Variants in KCNMA1 observed in about 807,000 individuals in gnomAD.
The protein encoded by KCNMA1 is Calcium-activated potassium channel subunit alpha-1.
KCNMA1 carries 29 observed loss-of-function variants against 140.0 expected under a neutral mutation model. The observed-to-expected ratio is 0.21, with a 90% confidence interval of 0.15 to 0.28. The LOEUF is 0.28. Ranked by LOEUF, KCNMA1 falls within the 10% of genes least tolerant of loss-of-function variation. The pLI, the probability that KCNMA1 is intolerant of heterozygous loss-of-function variation, is 1.00. For missense variants in KCNMA1, 880 were observed against 1,602.2 expected (o/e 0.55, Z 7.70); for synonymous variants, 612 against 611.9 (o/e 1.00, Z 0.00).
chr10:76,982,177 G>C (rs922912900), intron 19 of KCNMA1, among the ~76,000 whole-genome samples: 20 of 152,114 alleles, frequency 1.3e-4, no homozygotes, highest in African/African-American at 4.6e-4. Flanking sequence ...AGCCTAGCCA[G>C]AGAAATTAGA....
chr10:76,885,205 T>A lies in KCNMA1; in HGVS notation c.*2061A>T. ...AATACTAGGGGATACATATATATAG[T>A]TATATATATAGTTATATATATATAA... On this transcript the variant is annotated 3_prime_UTR_variant, in exon 28 of 28. Coordinates refer to ENST00000286628, the MANE Select transcript of KCNMA1 (RefSeq NM_001161352.2). 2 of 625,712 alleles carry A rather than the reference T, an allele frequency of 3.2e-6. No homozygotes were observed. The highest frequency in any genetic ancestry group is 4.1e-6 in the Non-Finnish European group (2 of 491,304). The allele number at this position is 625,712 out of a possible 1,614,324, so 38.8% of individuals were successfully genotyped here.
At chr10:76,985,475 T>G (rs1345320597) in intron 19 of KCNMA1, among the ~76,000 whole-genome samples, 1 of 152,246 alleles carries the variant, frequency 6.6e-6, no homozygotes, top group Non-Finnish European at 1.5e-5. Flanking sequence ...TTAAAAAATG[T>G]ACCTAAACCA....
At chr10:77,147,014 G>T (rs1451029949) in intron 5 of KCNMA1, among the ~76,000 whole-genome samples, 2 of 152,174 alleles carry the variant, frequency 1.3e-5, no homozygotes, top group African/African-American at 4.8e-5. Context: ...CATGGCAGAG[G>T]GGGCCAGGCA....
At chr10:77,324,279 C>T (rs1028091318) in intron 2 of KCNMA1, among the ~76,000 whole-genome samples, 9 of 152,140 alleles carry the variant, frequency 5.9e-5, no homozygotes, top group African/African-American at 2.2e-4. Context: ...TGCCAATTCC[C>T]AGCTGAAAAC....
Position 76,887,541 on chromosome 10 carries a change from C to T in KCNMA1, c.3462-26G>A, listed in dbSNP as rs774096624. On this transcript the variant is annotated intron_variant, in intron 27 of 27. Coordinates refer to ENST00000286628, the MANE Select transcript of KCNMA1 (RefSeq NM_001161352.2). Reference sequence around the variant, plus strand: ...CTGGACAGGGAAAGCAGAGATGTCACCTCCTGAGAGTAACTGAGTAAAGAA... The same window carrying T: ...CTGGACAGGGAAAGCAGAGATGTCATCTCCTGAGAGTAACTGAGTAAAGAA... 14 of 1,613,746 alleles carry T rather than the reference C, an allele frequency of 8.7e-6. No individual in the cohort carries two copies. The South Asian group carries it at 1.5e-4, about 18-fold the overall frequency.
intron 9 of KCNMA1, among the ~76,000 whole-genome samples, chr10:77,106,397 G>C (rs1017511563): frequency 6.6e-6 from 1 of 152,180 alleles, no homozygotes; most frequent in Non-Finnish European, 1.5e-5. Flanking sequence ...GAACTGCCAG[G>C]GTGAAAGATG....
chr10:77,155,726 C>T (rs1279871997), intron 5 of KCNMA1, among the ~76,000 whole-genome samples: 2 of 152,152 alleles, frequency 1.3e-5, no homozygotes, highest in African/African-American at 4.8e-5. Context: ...AAAAATGAAC[C>T]TGGGTGAGTA....
At chr10:77,492,329 G>A (rs1043934697) in intron 1 of KCNMA1, among the ~76,000 whole-genome samples, 2 of 152,144 alleles carry the variant, frequency 1.3e-5, no homozygotes, top group African/African-American at 4.8e-5. Context: ...AGCCCCTGCT[G>A]ATCTGCATGC....
intron 14 of KCNMA1, among the ~76,000 whole-genome samples, chr10:77,053,486 G>A (rs954792767): frequency 3.3e-5 from 5 of 152,166 alleles, no homozygotes; most frequent in African/African-American, 1.2e-4. Flanking sequence ...GAAAACCAGT[G>A]TCATTTAGGT....
At chr10:77,619,349 A>T (rs533809182) in intron 1 of KCNMA1, among the ~76,000 whole-genome samples, 59 of 148,802 alleles carry the variant, frequency 4.0e-4, no homozygotes, top group African/African-American at 1.3e-3. Flanking sequence ...TCTCTCTCGT[A>T]TGCCCACGCA....
chr10:77,484,096 C>T (rs2154534796), intron 1 of KCNMA1, among the ~76,000 whole-genome samples: 1 of 152,338 alleles, frequency 6.6e-6, no homozygotes, highest in South Asian at 2.1e-4. Context: ...CGTGGGATTT[C>T]TGGCTTTTTT....
At chr10:77,124,918 C>A (rs916652652) in intron 5 of KCNMA1, among the ~76,000 whole-genome samples, 1 of 152,134 alleles carries the variant, frequency 6.6e-6, no homozygotes, top group Non-Finnish European at 1.5e-5. Flanking sequence ...GGAGAAGCCT[C>A]AGGAAACTTA....
intron 3 of KCNMA1, among the ~76,000 whole-genome samples, chr10:77,213,929 A>G (rs1598899886): frequency 6.6e-6 from 1 of 151,376 alleles, no homozygotes; most frequent in Non-Finnish European, 1.5e-5. Context: ...AATTCTGGAC[A>G]CCTCCCCCGA....
intron 3 of KCNMA1, among the ~76,000 whole-genome samples, chr10:77,246,760 G>A (rs1306936862): frequency 6.6e-6 from 1 of 152,184 alleles, no homozygotes; most frequent in South Asian, 2.1e-4. Context: ...GGATGCAAAA[G>A]TAACATTTTA....
At chr10:77,547,358 C>T (rs527629560) in intron 1 of KCNMA1, among the ~76,000 whole-genome samples, 4 of 152,310 alleles carry the variant, frequency 2.6e-5, no homozygotes, top group East Asian at 3.9e-4. Flanking sequence ...AGAACGGCTC[C>T]GTTATATTTC....
intron 19 of KCNMA1, chr10:76,995,755 T>C (rs2084097577): frequency 2.2e-6 from 1 of 462,860 alleles, no homozygotes; most frequent in South Asian, 1.6e-5. Flanking sequence ...TCACCTTGCA[T>C]AAGGGCCTCT....
At chr10:77,587,625 C>T (rs1262974465) in intron 1 of KCNMA1, 14 of 806,352 alleles carry the variant, frequency 1.7e-5, no homozygotes, top group Admixed American at 1.2e-4. Flanking sequence ...GTCTGGGCTG[C>T]GGGCCCCTGA....
At chr10:76,912,317 C>A (rs1241196425) in intron 24 of KCNMA1, 1 of 152,194 alleles carries the variant, frequency 6.6e-6, no homozygotes, top group Non-Finnish European at 1.5e-5. Context: ...AATTGAGAGT[C>A]TCCAAGTAGA....
At chr10:77,351,446 C>A (rs1566167391) in intron 2 of KCNMA1, among the ~76,000 whole-genome samples, 2 of 152,302 alleles carry the variant, frequency 1.3e-5, no homozygotes, top group South Asian at 2.1e-4. Context: ...ACACAATGAC[C>A]CTGATACTCA....
Sources: allele counts gnomAD v4.1 joint callset (sites outside exome capture counted in the v4.1 genomes callset), GRCh38; gene constraint gnomAD v4.1.1; transcripts MANE v1.5; gene names NCBI Gene and HGNC (gene_info 2026-07-23, HGNC 2026-07-21).